Variants in WDPCP observed in about 807,000 individuals in gnomAD.
WDPCP encodes the protein WD repeat containing planar cell polarity effector.
In WDPCP, 71 loss-of-function variants were observed where a neutral mutation model predicts 93.1. The observed-to-expected ratio is 0.76, with a 90% CI of 0.63 to 0.93. The LOEUF (loss-of-function observed/expected upper bound fraction) is 0.93. Ranked by LOEUF, WDPCP falls within the 40% of genes least tolerant of loss-of-function variation. WDPCP has a pLI of 0.00. For missense variants in WDPCP, 844 were observed against 887.4 expected, an observed-to-expected ratio of 0.95 and a Z score of 0.62; for synonymous variants, 315 against 315.0, an observed-to-expected ratio of 1.00 and a Z score of 0.00.
intron 1 of WDPCP, among the ~76,000 whole-genome samples, chr2:63,575,960 G>A (rs1325180791): frequency 2.0e-5 from 3 of 151,962 alleles, no homozygotes; most frequent in African/African-American, 7.3e-5. Flanking sequence ...TTGGCATTAA[G>A]AGTTTATTTC....
intron 17 of WDPCP, among the ~76,000 whole-genome samples, chr2:63,140,997 A>G (rs750702338): frequency 4.6e-5 from 7 of 151,864 alleles, no homozygotes; most frequent in Middle Eastern, 3.4e-3. Context: ...TTGAATGCTG[A>G]TTTTGCTGAG....
chr2:63,222,757 C>A (rs2104494152), intron 14 of WDPCP, among the ~76,000 whole-genome samples: 1 of 152,180 alleles, frequency 6.6e-6, no homozygotes, highest in African/African-American at 2.4e-5. Context: ...TAATTTATGT[C>A]TTTTAGTATA....
chr2:63,579,471 G>A (rs1214372797), intron 1 of WDPCP, among the ~76,000 whole-genome samples: 1 of 152,050 alleles, frequency 6.6e-6, no homozygotes, highest in African/African-American at 2.4e-5. Flanking sequence ...ATAGCTGGGT[G>A]TGGTGGCACA....
intron 1 of WDPCP, among the ~76,000 whole-genome samples, chr2:63,501,481 G>T (rs1701548002): frequency 6.6e-6 from 1 of 152,178 alleles, no homozygotes; most frequent in South Asian, 2.1e-4. Context: ...GAGGAGGATG[G>T]CTCAAGACCA....
At chr2:63,341,835 G>T (rs1321535778) in intron 12 of WDPCP, among the ~76,000 whole-genome samples, 2 of 152,032 alleles carry the variant, frequency 1.3e-5, no homozygotes, top group Admixed American at 1.3e-4. Context: ...TATTTTATTT[G>T]TTATTAGTAC....
chr2:63,512,080 T>A (rs1260393410), intron 1 of WDPCP, among the ~76,000 whole-genome samples: 1 of 151,858 alleles, frequency 6.6e-6, no homozygotes, highest in Non-Finnish European at 1.5e-5. Flanking sequence ...AGTGGGCAAA[T>A]GATATAAACA....
At chr2:63,205,916 A>G (rs1676302739) in intron 14 of WDPCP, among the ~76,000 whole-genome samples, 1 of 152,156 alleles carries the variant, frequency 6.6e-6, no homozygotes. Context: ...ACTTAGAGGA[A>G]AGGCTTTCGT....
intron 2 of WDPCP, among the ~76,000 whole-genome samples, chr2:63,706,679 C>T (rs1191795435): frequency 7.0e-6 from 1 of 142,630 alleles, no homozygotes; most frequent in Non-Finnish European, 1.5e-5. Context: ...TGCAGTGGCG[C>T]AATCTCGGCT....
intron 2 of WDPCP, among the ~76,000 whole-genome samples, chr2:63,750,540 T>C (rs1669864245): frequency 6.6e-6 from 1 of 152,136 alleles, no homozygotes; most frequent in African/African-American, 2.4e-5. Context: ...ATTAACACTG[T>C]TGAGTACAAG....
At chr2:63,221,649 A>C (rs1312961931) in intron 14 of WDPCP, among the ~76,000 whole-genome samples, 1 of 152,324 alleles carries the variant, frequency 6.6e-6, no homozygotes, top group East Asian at 1.9e-4. Context: ...GCTTTTTAAA[A>C]GATACATAGA....
chr2:63,809,501 C>T (rs933506180), intron 2 of WDPCP, among the ~76,000 whole-genome samples: 6 of 152,184 alleles, frequency 3.9e-5, no homozygotes, highest in Non-Finnish European at 5.9e-5. Flanking sequence ...ATTGAGAAAT[C>T]GGATGGTTGC....
chr2:63,815,402 T>A (rs554121858), intron 1 of WDPCP, among the ~76,000 whole-genome samples: 1 of 152,366 alleles, frequency 6.6e-6, no homozygotes, highest in South Asian at 2.1e-4. Context: ...CTGGAATTGT[T>A]CTACATTAGT....
chr2:63,258,795 C>G (rs1375824524), intron 14 of WDPCP, among the ~76,000 whole-genome samples: 3 of 152,048 alleles, frequency 2.0e-5, no homozygotes, highest in Non-Finnish European at 4.4e-5. Flanking sequence ...TTTAAATGGA[C>G]TTTCAAATTC....
intron 1 of WDPCP, among the ~76,000 whole-genome samples, chr2:63,565,776 T>C (rs1706996035): frequency 1.3e-5 from 2 of 152,162 alleles, no homozygotes; most frequent in South Asian, 4.1e-4. Flanking sequence ...GCAGGTTGAA[T>C]AAAAAACCAC....
intron 17 of WDPCP, among the ~76,000 whole-genome samples, chr2:63,142,448 A>G (rs1671136001): frequency 6.6e-6 from 1 of 152,164 alleles, no homozygotes; most frequent in Non-Finnish European, 1.5e-5. Context: ...ATGGTTCTGA[A>G]GGTTCCTTTT....
chr2:63,150,517 A>C (rs1671818840), intron 17 of WDPCP, among the ~76,000 whole-genome samples: 1 of 152,222 alleles, frequency 6.6e-6, no homozygotes, highest in Non-Finnish European at 1.5e-5. Flanking sequence ...TCTAAGAGCC[A>C]GACTCTTTGG....
chr2:63,603,447 A>C (rs1380879759), intron 3 of WDPCP, among the ~76,000 whole-genome samples: 1 of 152,170 alleles, frequency 6.6e-6, no homozygotes, highest in African/African-American at 2.4e-5. Context: ...TTTTTGGGAC[A>C]CAGAGGAAGG....
the WDPCP span, among the ~76,000 whole-genome samples, chr2:63,835,644 A>T: frequency 1.3e-5 from 2 of 151,416 alleles, no homozygotes; most frequent in African/African-American, 4.9e-5. Context: ...AAAATTAAAT[A>T]AAAAAAATAA....
chr2:63,837,786 T>C, the WDPCP span, among the ~76,000 whole-genome samples: 1 of 152,214 alleles, frequency 6.6e-6, no homozygotes, highest in Non-Finnish European at 1.5e-5. Flanking sequence ...ATATAAACTT[T>C]TTATGTTTTA....
Sources: allele counts gnomAD v4.1 joint callset (sites outside exome capture counted in the v4.1 genomes callset), GRCh38; gene constraint gnomAD v4.1.1; transcripts MANE v1.5; gene names NCBI Gene and HGNC (gene_info 2026-07-23, HGNC 2026-07-21).